STXBP5: variants seen among roughly 807,000 people sequenced by gnomAD.
STXBP5 encodes the protein syntaxin-binding protein 5.
STXBP5 carries 50 observed loss-of-function variants against 152.4 expected under a neutral mutation model. That is an observed-to-expected ratio of 0.33 (90% CI 0.26 to 0.42). The LOEUF (loss-of-function observed/expected upper bound fraction) is 0.42. STXBP5 is among the 10% of genes least tolerant of loss of function. The probability of loss-of-function intolerance (pLI) is 1.00; values close to 1 mark genes in which losing one functional copy is unlikely to be tolerated. For synonymous variants in STXBP5, 492 were observed against 494.7 expected (o/e 0.99, Z 0.07); for missense variants, 1,167 against 1,388.6 (o/e 0.84, Z 2.54).
At position 147,229,866 on chromosome 6, in the gene STXBP5, C is replaced by T. The variant is rs148142748; in HGVS notation, c.249-5384C>T. On this transcript the variant is annotated intron_variant, in intron 2 of 27. Coordinates refer to ENST00000321680, the MANE Select transcript of STXBP5 (RefSeq NM_001127715.4). Reference sequence around the variant, plus strand: ...ACACTTTTTTTTTCTTGCACATTTCCATGGCTAGAACATTAGATTCCATGT... The same window carrying T: ...ACACTTTTTTTTTCTTGCACATTTCTATGGCTAGAACATTAGATTCCATGT... Among the ~76,000 whole-genome samples, 356 of 151,630 alleles carry T rather than the reference C, an allele frequency of 2.3e-3. 1 individual carries two copies. Among genetic ancestry groups the T allele is most frequent in the African/African-American group, 8.1e-3 (337 of 41,414 alleles).
chr6:147,298,834 T>C (rs1285562747), intron 9 of STXBP5, among the ~76,000 whole-genome samples: 1 of 151,944 alleles, frequency 6.6e-6, no homozygotes, highest in Non-Finnish European at 1.5e-5. Flanking sequence ...AAAGCAGTCC[T>C]AAGAGGAAAA....
In STXBP5 at chr6:147,390,062, T is replaced by G. The variant is rs1786520141; in HGVS notation, c.*5307T>G. The G allele has an allele frequency of 6.6e-6, 1 of 152,004 alleles. No individual in the cohort carries two copies. Among genetic ancestry groups the G allele is most frequent in the Non-Finnish European group, 1.5e-5 (1 of 67,930 alleles). The allele number at this position is 152,004 out of a possible 1,614,324, so 9.4% of individuals were successfully genotyped here. On this transcript the variant is annotated 3_prime_UTR_variant, in exon 28 of 28. Coordinates refer to ENST00000321680, the MANE Select transcript of STXBP5 (RefSeq NM_001127715.4). ...GCTCTAGCTTGTGTATACCTTAAAC[T>G]GTAACTTGCAGGTGTTTTTCAGTTG...
intron 2 of STXBP5, among the ~76,000 whole-genome samples, chr6:147,226,871 A>G (rs552591609): frequency 6.6e-6 from 1 of 152,328 alleles, no homozygotes; most frequent in South Asian, 2.1e-4. Flanking sequence ...ATATCATTCT[A>G]TAGCTTTGTA....
Position 147,379,349 on chromosome 6 carries a change from A to C in STXBP5, c.3194-3429A>C, listed in dbSNP as rs574924775. ...ATTCACTATCTAGAAATAAATCTTA[A>C]GAGAACATGTTCAGAATCTCCATGG... On this transcript the variant is annotated intron_variant, in intron 26 of 27. Coordinates refer to ENST00000321680, the MANE Select transcript of STXBP5 (RefSeq NM_001127715.4). Among the ~76,000 whole-genome samples the C allele has an allele frequency of 7.4e-4, 112 of 152,284 alleles. 2 individuals are homozygous for C. The highest frequency in any genetic ancestry group is 2.6e-3 in the African/African-American group (110 of 41,588).
intron 9 of STXBP5, among the ~76,000 whole-genome samples, chr6:147,304,886 A>T (rs1782010652): frequency 6.6e-6 from 1 of 152,070 alleles, no homozygotes; most frequent in Non-Finnish European, 1.5e-5. Context: ...AATGGGAGAA[A>T]TTGGAATTTA....
At chr6:147,373,873 A>T (rs1000566907) in intron 26 of STXBP5, 31 bp downstream of exon 26, 1 of 1,549,630 alleles carries the variant, frequency 6.5e-7, no homozygotes, top group Admixed American at 1.7e-5. Flanking sequence ...CGGATAATAT[A>T]TCTATAAAAC....
intron 25 of STXBP5, among the ~76,000 whole-genome samples, chr6:147,370,551 C>G (rs17076710): frequency 6.6e-6 from 1 of 151,882 alleles, no homozygotes; most frequent in South Asian, 2.1e-4. Flanking sequence ...GTGAAAAACA[C>G]AGAGATAATT....
At chr6:147,260,401 A>T (rs375323867) in intron 4 of STXBP5, among the ~76,000 whole-genome samples, 4 of 152,168 alleles carry the variant, frequency 2.6e-5, no homozygotes, top group Non-Finnish European at 5.9e-5. Flanking sequence ...TTCATCTTCT[A>T]TCGTGCCATG....
intron 26 of STXBP5, among the ~76,000 whole-genome samples, chr6:147,375,448 A>G (rs1785762431): frequency 6.6e-6 from 1 of 152,086 alleles, no homozygotes; most frequent in African/African-American, 2.4e-5. Flanking sequence ...AAGTGAAGAA[A>G]GAATTATGTA....
At chr6:147,216,001 T>C (rs1777146140) in intron 2 of STXBP5, among the ~76,000 whole-genome samples, 1 of 152,208 alleles carries the variant, frequency 6.6e-6, no homozygotes, top group Admixed American at 6.5e-5. Flanking sequence ...AAAGTGAATG[T>C]AAGCATTTTA....
At chr6:147,383,590 C>G (rs1329283218) in intron 27 of STXBP5, among the ~76,000 whole-genome samples, 1 of 152,006 alleles carries the variant, frequency 6.6e-6, no homozygotes, top group East Asian at 1.9e-4. Context: ...ATTTAAAAGC[C>G]TTTACGGGAA....
chr6:147,219,893 T>TTAACTGTTA (rs1374732593), intron 2 of STXBP5, among the ~76,000 whole-genome samples: 6 of 150,748 alleles, frequency 4.0e-5, no homozygotes, highest in South Asian at 2.1e-4. Flanking sequence ...GATTTCTTCC[T>TTAACTGTTA]TAACTGTTAT....
chr6:147,219,546 A>G (rs1777351140), intron 2 of STXBP5, among the ~76,000 whole-genome samples: 1 of 152,094 alleles, frequency 6.6e-6, no homozygotes, highest in Admixed American at 6.5e-5. Context: ...GGAATCTATT[A>G]ATTGATTCAG....
chr6:147,279,598 T>A (rs1455749071), intron 8 of STXBP5, among the ~76,000 whole-genome samples: 1 of 152,216 alleles, frequency 6.6e-6, no homozygotes, highest in Non-Finnish European at 1.5e-5. Flanking sequence ...GTGAAATACT[T>A]TACCACTGCT....
At chr6:147,208,843 A>G (rs1161220024) in intron 2 of STXBP5, among the ~76,000 whole-genome samples, 1 of 152,144 alleles carries the variant, frequency 6.6e-6, no homozygotes, top group African/African-American at 2.4e-5. Context: ...ATGTTTGTAG[A>G]CAAGGATTAG....
At chr6:147,260,404 G>A (rs938569139) in intron 4 of STXBP5, among the ~76,000 whole-genome samples, 1 of 152,078 alleles carries the variant, frequency 6.6e-6, no homozygotes, top group East Asian at 1.9e-4. Context: ...ATCTTCTATC[G>A]TGCCATGCTA....
rs2128425277 is a variant in STXBP5, at chr6:147,385,947, G to A, written c.*1192G>A. On this transcript the variant is annotated 3_prime_UTR_variant, in exon 28 of 28. Coordinates refer to ENST00000321680, the MANE Select transcript of STXBP5 (RefSeq NM_001127715.4). The stretch of plus-strand genomic sequence containing the variant: ...TTGTGTAGAAATATACTATAAATCT[G>A]TACATATCCTTTCAAGGTTTTAAAA... The A allele has an allele frequency of 6.6e-6, 1 of 152,080 alleles. No homozygotes were observed. Among genetic ancestry groups the A allele is most frequent in the South Asian group, 2.1e-4 (1 of 4,830 alleles). The allele number at this position is 152,080 out of a possible 1,614,324, so 9.4% of individuals were successfully genotyped here.
intron 6 of STXBP5, among the ~76,000 whole-genome samples, chr6:147,265,553 G>A (rs1335144264): frequency 2.0e-5 from 3 of 152,032 alleles, no homozygotes; most frequent in African/African-American, 7.2e-5. Flanking sequence ...AAGCAACACT[G>A]AATTTAGACT....
chr6:147,359,341 A>C lies in STXBP5; in HGVS notation c.2545+18A>C. 3 of 1,603,226 alleles carry C rather than the reference A, an allele frequency of 1.9e-6. No homozygotes were observed. Among genetic ancestry groups the C allele is most frequent in the Non-Finnish European group, 2.6e-6 (3 of 1,171,918 alleles). ...TCCAAGTGGTATGTATTGCTGCTGCACTTAGAGTTACATTACAGGTGTGAT... is the reference window on the plus strand; with the variant it reads ...TCCAAGTGGTATGTATTGCTGCTGCCCTTAGAGTTACATTACAGGTGTGAT... On this transcript the variant is annotated intron_variant, in intron 23 of 27. Transcript: ENST00000321680.
Sources: gnomAD v4.1 joint callset for allele counts (sites outside exome capture counted in the v4.1 genomes callset) on GRCh38, gnomAD v4.1.1 for gene constraint, MANE v1.5 for transcripts, NCBI Gene and HGNC (gene_info 2026-07-23, HGNC 2026-07-21) for gene names.